NFIB: variants seen among roughly 807,000 people sequenced by gnomAD.
The protein encoded by NFIB is nuclear factor 1 B-type.
NFIB carries 11 observed loss-of-function variants against 61.5 expected under a neutral mutation model. The observed-to-expected ratio is 0.18, with a 90% confidence interval of 0.11 to 0.30. NFIB has a LOEUF of 0.30. NFIB is among the 10% of genes least tolerant of loss of function. The probability of loss-of-function intolerance (pLI) is 1.00; values close to 1 mark genes in which losing one functional copy is unlikely to be tolerated. For synonymous variants in NFIB, 260 were observed against 216.5 expected, an observed-to-expected ratio of 1.20 and a Z score of -1.76; for missense variants, 471 against 608.9, an observed-to-expected ratio of 0.77 and a Z score of 2.38.
chr9:14,204,490 C>G, intron 2 of NFIB: 1 of 1,038,738 alleles, frequency 9.6e-7, no homozygotes, highest in Admixed American at 1.7e-5. Flanking sequence ...CTGCGATTAA[C>G]CAGTTCACCC....
rs2038763864 is a variant in NFIB, at chr9:14,120,374, G to C, written c.1245+66C>G. ...CAGACACACTGTCTGACTAACCTTT[G>C]TGTCTCAGAATTAGATCTGTCCCAT... is the stretch of plus-strand genomic sequence containing the variant. On this transcript the variant is annotated intron_variant, in intron 8 of 10. Coordinates refer to ENST00000380953, the MANE Select transcript of NFIB (RefSeq NM_001190737.2). This position sits in a 1 kb window ranked among gnomAD's most constrained non-coding sequence, Gnocchi z 4.4. 6.5e-7 allele frequency: 1 copy of C among 1,527,330 alleles called. No homozygotes were observed. The highest frequency in any genetic ancestry group is 2.1e-4 in the Middle Eastern group (1 of 4,822). The allele number at this position is 1,527,330 out of a possible 1,614,324, so 94.6% of individuals were successfully genotyped here.
At chr9:14,100,545 A>G (rs1025461677) in intron 10 of NFIB, among the ~76,000 whole-genome samples, 2 of 151,612 alleles carry the variant, frequency 1.3e-5, no homozygotes, top group Non-Finnish European at 2.9e-5. Flanking sequence ...CGTCTCTACT[A>G]AAAAATACAA....
intron 3 of NFIB, among the ~76,000 whole-genome samples, chr9:14,159,386 A>C (rs1040058169): frequency 1.1e-4 from 16 of 152,146 alleles, no homozygotes; most frequent in Non-Finnish European, 1.9e-4. Context: ...AATGCAAAAA[A>C]CCACAGAGGT....
At chr9:14,252,873 C>G (rs1437638916) in intron 2 of NFIB, among the ~76,000 whole-genome samples, 1 of 147,184 alleles carries the variant, frequency 6.8e-6, no homozygotes, top group East Asian at 2.1e-4. Context: ...CTCAGGTAAA[C>G]TTCTACAAGA....
At chr9:14,320,797 C>T (rs1456945745) in intron 1 of NFIB, among the ~76,000 whole-genome samples, 1 of 152,122 alleles carries the variant, frequency 6.6e-6, no homozygotes, top group African/African-American at 2.4e-5. Context: ...AATGTCTGTT[C>T]AAGTGTGGGA....
the NFIB span, among the ~76,000 whole-genome samples, chr9:14,527,607 T>C: frequency 6.6e-6 from 1 of 152,206 alleles, no homozygotes; most frequent in African/African-American, 2.4e-5. Flanking sequence ...AATGGGGCGA[T>C]AGGATTGGTC....
At chr9:14,249,044 T>G (rs771264250) in intron 2 of NFIB, among the ~76,000 whole-genome samples, 1 of 152,238 alleles carries the variant, frequency 6.6e-6, no homozygotes. Flanking sequence ...TAACTTCAGT[T>G]TCTTACACTT....
At chr9:14,292,722 T>C (rs573478918) in intron 2 of NFIB, among the ~76,000 whole-genome samples, 1 of 152,300 alleles carries the variant, frequency 6.6e-6, no homozygotes, top group Non-Finnish European at 1.5e-5. Context: ...CTATATGGCG[T>C]AGAGTGAATC....
chr9:14,439,708 T>G, the NFIB span, among the ~76,000 whole-genome samples: 1 of 151,714 alleles, frequency 6.6e-6, no homozygotes, highest in African/African-American at 2.4e-5. Context: ...AAGGGGTGAG[T>G]TGGACACCAG....
intron 2 of NFIB, among the ~76,000 whole-genome samples, chr9:14,257,722 C>CT (rs2056363648): frequency 6.6e-6 from 1 of 152,192 alleles, no homozygotes; most frequent in Admixed American, 6.5e-5. Flanking sequence ...CTTCACAGCA[C>CT]TTTAGCCTGA....
At chr9:14,362,243 A>G (rs2061249210) in intron 1 of NFIB, 1 of 152,188 alleles carries the variant, frequency 6.6e-6, no homozygotes. Context: ...CCCTCAAGAT[A>G]TTTCAAAGCT....
At chr9:14,333,614 T>C (rs2060847979) in intron 1 of NFIB, among the ~76,000 whole-genome samples, 1 of 152,196 alleles carries the variant, frequency 6.6e-6, no homozygotes, top group African/African-American at 2.4e-5. Context: ...GCCTAAGTCT[T>C]TGGATCCCTA....
chr9:14,108,083 G>A (rs753787532), intron 10 of NFIB, among the ~76,000 whole-genome samples: 1 of 152,006 alleles, frequency 6.6e-6, no homozygotes, highest in Non-Finnish European at 1.5e-5. Context: ...CCATTATTTC[G>A]ACTGAAACTT....
intron 6 of NFIB, among the ~76,000 whole-genome samples, chr9:14,127,741 A>G (rs2039857922): frequency 1.3e-5 from 2 of 152,186 alleles, no homozygotes; most frequent in Non-Finnish European, 2.9e-5. Flanking sequence ...AGGCATTCAT[A>G]AAATTAAATA....
chr9:14,418,763 A>G, the NFIB span, among the ~76,000 whole-genome samples: 1 of 152,220 alleles, frequency 6.6e-6, no homozygotes, highest in Non-Finnish European at 1.5e-5. Context: ...GCCTGGCTTT[A>G]TTAAGTTTTG....
intron 2 of NFIB, among the ~76,000 whole-genome samples, chr9:14,282,420 G>C (rs914196974): frequency 3.3e-5 from 5 of 152,042 alleles, no homozygotes; most frequent in African/African-American, 7.2e-5. Flanking sequence ...AAAATTATTT[G>C]TACAATCAGT....
At chr9:14,132,650 C>T (rs1397418056) in intron 6 of NFIB, among the ~76,000 whole-genome samples, 1 of 152,068 alleles carries the variant, frequency 6.6e-6, no homozygotes, top group Non-Finnish European at 1.5e-5. Context: ...TCACTGCAGC[C>T]TCAAACTCCT....
intron 2 of NFIB, among the ~76,000 whole-genome samples, chr9:14,209,653 C>T (rs938380271): frequency 3.3e-5 from 5 of 152,176 alleles, no homozygotes; most frequent in South Asian, 2.1e-4. Context: ...CGCTTTGCTG[C>T]GCAATCAGAA....
intron 2 of NFIB, among the ~76,000 whole-genome samples, chr9:14,222,843 T>C (rs763226804): frequency 3.4e-4 from 52 of 151,166 alleles, no homozygotes; most frequent in Non-Finnish European, 6.8e-4. Flanking sequence ...TCCGTATTCC[T>C]TGCAGACCAG....
Sources: gnomAD v4.1 joint callset for allele counts (sites outside exome capture counted in the v4.1 genomes callset) on GRCh38, gnomAD v4.1.1 for gene constraint, Gnocchi (gnomAD v3.1) non-coding constraint, MANE v1.5 for transcripts, NCBI Gene and HGNC (gene_info 2026-07-23, HGNC 2026-07-21) for gene names.